EDIL3: variants seen among roughly 807,000 people sequenced by gnomAD.
EDIL3 encodes the protein EGF-like repeat and discoidin I-like domain-containing protein 3.
Under a neutral mutation model 67.4 loss-of-function variants are expected in EDIL3, and 37 were observed. The observed-to-expected ratio is 0.55, with a 90% CI of 0.42 to 0.72. EDIL3 has a LOEUF of 0.72. Ranked by LOEUF, EDIL3 falls within the 30% of genes least tolerant of loss-of-function variation. The pLI, the probability that EDIL3 is intolerant of heterozygous loss-of-function variation, is 0.00. For synonymous variants in EDIL3, 195 were observed against 196.3 expected (o/e 0.99, Z 0.05); for missense variants, 527 against 586.3 (o/e 0.90, Z 1.04).
chr5:84,347,895 C>T (rs1420527817), intron 1 of EDIL3, among the ~76,000 whole-genome samples: 1 of 152,130 alleles, frequency 6.6e-6, no homozygotes, highest in Non-Finnish European at 1.5e-5. Context: ...AAGGCAAGCA[C>T]TAACCATTTT....
chr5:84,246,870 T>A (rs945741028), intron 2 of EDIL3, among the ~76,000 whole-genome samples: 3 of 152,202 alleles, frequency 2.0e-5, no homozygotes, highest in African/African-American at 7.2e-5. Flanking sequence ...TTATATGGTA[T>A]GTTACAGAAT....
chr5:84,355,418 T>C (rs557892120), intron 1 of EDIL3, among the ~76,000 whole-genome samples: 1 of 152,152 alleles, frequency 6.6e-6, no homozygotes, highest in South Asian at 2.1e-4. Flanking sequence ...TTCCTTGCAT[T>C]GGGTTACAAC....
intron 9 of EDIL3, among the ~76,000 whole-genome samples, chr5:83,992,967 G>C (rs989331732): frequency 3.3e-5 from 5 of 151,938 alleles, no homozygotes; most frequent in Admixed American, 2.6e-4. Context: ...TTCAGATTTA[G>C]TGCCTATCCA....
intron 3 of EDIL3, among the ~76,000 whole-genome samples, chr5:84,189,675 T>C (rs1743538565): frequency 6.6e-6 from 1 of 151,982 alleles, no homozygotes; most frequent in Admixed American, 6.6e-5. Context: ...ACTACTTGCA[T>C]AATGGAAATT....
chr5:84,233,946 C>A (rs1203693173), intron 2 of EDIL3, among the ~76,000 whole-genome samples: 2 of 152,124 alleles, frequency 1.3e-5, no homozygotes, highest in Non-Finnish European at 2.9e-5. Context: ...GATTGTTGAG[C>A]CACTGAATCA....
chr5:84,012,753 T>C (rs920432714), intron 9 of EDIL3, among the ~76,000 whole-genome samples: 2 of 152,084 alleles, frequency 1.3e-5, no homozygotes, highest in African/African-American at 4.8e-5. Flanking sequence ...CATTTATTAA[T>C]TATAATCTAT....
chr5:84,238,954 T>C (rs1744737352), intron 2 of EDIL3, among the ~76,000 whole-genome samples: 2 of 152,086 alleles, frequency 1.3e-5, no homozygotes. Context: ...AAGTCTTGAA[T>C]GCAAACTATT....
At chr5:84,075,779 G>A (rs1380157079) in intron 6 of EDIL3, among the ~76,000 whole-genome samples, 1 of 151,760 alleles carries the variant, frequency 6.6e-6, no homozygotes, top group Admixed American at 6.6e-5. Flanking sequence ...CCGGCCCACA[G>A]GGGCTTATTA....
chr5:84,005,720 T>G (rs1242513380), intron 9 of EDIL3, among the ~76,000 whole-genome samples: 1 of 152,048 alleles, frequency 6.6e-6, no homozygotes, highest in Non-Finnish European at 1.5e-5. Context: ...AATATCATAC[T>G]GAATGGGCAA....
chr5:84,188,080 G>A (rs536312957), intron 3 of EDIL3, among the ~76,000 whole-genome samples: 116 of 151,630 alleles, frequency 7.7e-4, no homozygotes, highest in Middle Eastern at 3.4e-3. Context: ...GAGATTTCCC[G>A]CCCCCCCTTA....
chr5:84,308,712 G>A (rs1456858407), intron 1 of EDIL3, among the ~76,000 whole-genome samples: 1 of 152,100 alleles, frequency 6.6e-6, no homozygotes, highest in African/African-American at 2.4e-5. Flanking sequence ...ATCTGAACAA[G>A]ATGAGTCATA....
rs1008172581 is a variant in EDIL3 at position 84,371,341 on chromosome 5, A to ATATATATG, written c.67+12966_67+12967insCATATATA. 3.1e-3 allele frequency among the ~76,000 whole-genome samples: 396 copies of ATATATATG among 129,692 alleles called. 9 individuals are homozygous for ATATATATG. The highest frequency in any genetic ancestry group is 9.4e-3 in the African/African-American group (344 of 36,626). 85.1% of individuals were successfully genotyped at this position (129,692 alleles called of 152,430 possible). On this transcript the variant is annotated intron_variant, in intron 1 of 10. Transcript: ENST00000296591. The stretch of plus-strand genomic sequence containing the variant: ...AAAGTATATATATATATATATATAT[A>ATATATATG]TGTGTGTGTGTATATATATGTGTGT...
chr5:84,250,718 A>AC (rs1745009263), intron 2 of EDIL3, among the ~76,000 whole-genome samples: 1 of 152,242 alleles, frequency 6.6e-6, no homozygotes, highest in African/African-American at 2.4e-5. Context: ...CTGTAGAATA[A>AC]ACAGGATAAA....
intron 9 of EDIL3, among the ~76,000 whole-genome samples, chr5:83,995,469 AG>A (rs1745223249): frequency 6.6e-6 from 1 of 152,214 alleles, no homozygotes; most frequent in Non-Finnish European, 1.5e-5. Flanking sequence ...AGAATTATCC[AG>A]CAATAATCAT....
At chr5:84,277,839 C>T (rs975922004) in intron 1 of EDIL3, among the ~76,000 whole-genome samples, 5 of 151,878 alleles carry the variant, frequency 3.3e-5, no homozygotes, top group Non-Finnish European at 7.4e-5. Context: ...AAATAAACCC[C>T]TTTTTTTGAA....
At chr5:84,204,854 T>C (rs1743927661) in intron 3 of EDIL3, among the ~76,000 whole-genome samples, 1 of 152,038 alleles carries the variant, frequency 6.6e-6, no homozygotes, top group Non-Finnish European at 1.5e-5. Context: ...AATGCTGCTT[T>C]TTTATAATTT....
intron 3 of EDIL3, among the ~76,000 whole-genome samples, chr5:84,184,500 C>T (rs147203383): frequency 1.9e-3 from 294 of 152,288 alleles, no homozygotes; most frequent in Non-Finnish European, 3.5e-3. Context: ...TGCACAGATG[C>T]TATGTGAATT....
intron 8 of EDIL3, among the ~76,000 whole-genome samples, chr5:84,063,385 A>T (rs1676981107): frequency 6.6e-6 from 1 of 152,130 alleles, no homozygotes; most frequent in South Asian, 2.1e-4. Context: ...AACTGGAGTA[A>T]ACAAACTGGA....
chr5:84,335,466 C>T (rs987468608), intron 1 of EDIL3, among the ~76,000 whole-genome samples: 36 of 152,090 alleles, frequency 2.4e-4, no homozygotes, highest in African/African-American at 6.7e-4. Flanking sequence ...ATATTTGTAT[C>T]GGAAGGCAAG....
Sources: gnomAD v4.1 joint callset for allele counts (sites outside exome capture counted in the v4.1 genomes callset) on GRCh38, gnomAD v4.1.1 for gene constraint, MANE v1.5 for transcripts, NCBI Gene and HGNC (gene_info 2026-07-23, HGNC 2026-07-21) for gene names.